The following PARG variants were observed in gnomAD, a reference collection of about 807,000 sequenced individuals.
PARG encodes the protein mitochondrial poly(ADP-ribose) glycohydrolase.
In PARG, 35 loss-of-function variants were observed where a neutral mutation model predicts 113.0. The ratio of observed to expected loss-of-function variants is 0.31; its 90% CI spans 0.24 to 0.41. The LOEUF is 0.41. Ranked by LOEUF, PARG falls within the 10% of genes least tolerant of loss-of-function variation. The pLI is 1.00. For missense variants in PARG, 797 were observed against 1,169.4 expected, an observed-to-expected ratio of 0.68 and a Z score of 4.64; for synonymous variants, 330 against 409.9, an observed-to-expected ratio of 0.81 and a Z score of 2.36.
At chr10:49,922,264 T>C (rs1304049561) in intron 6 of PARG, 72 bp downstream of exon 6, 103 of 1,508,102 alleles carry the variant, frequency 6.8e-5, no homozygotes, top group Admixed American at 1.2e-4. Flanking sequence ...CCTGAGTCTA[T>C]TAAGACCAAA....
chr10:49,873,324 A>G (rs1281919414), intron 9 of PARG, among the ~76,000 whole-genome samples: 1 of 66,714 alleles, frequency 1.5e-5, no homozygotes, highest in African/African-American at 6.0e-5. Flanking sequence ...ATAAAAGGAA[A>G]TAACACAATA....
At chr10:49,869,415 CACTTG>C (rs1171844320) in intron 10 of PARG, 56 bp downstream of exon 10, 129 of 684,850 alleles carry the variant, frequency 1.9e-4, no homozygotes, top group South Asian at 1.8e-3. Context: ...CCTCACATGT[CACTTG>C]ACTTGAACTG....
At chr10:49,862,035 CAT>C (rs1846277748) in intron 11 of PARG, among the ~76,000 whole-genome samples, 1 of 151,658 alleles carries the variant, frequency 6.6e-6, no homozygotes, top group African/African-American at 2.4e-5. Context: ...GGCAATAAAT[CAT>C]ATATGATTCT....
intron 7 of PARG, among the ~76,000 whole-genome samples, chr10:49,889,233 A>G (rs1847651154): frequency 2.0e-5 from 3 of 151,674 alleles, no homozygotes; most frequent in Admixed American, 2.0e-4. Flanking sequence ...GATTTTCCTG[A>G]TTCTTTTCTG....
chr10:49,891,625 T>A (rs1311910778), intron 7 of PARG, among the ~76,000 whole-genome samples: 61 of 69,226 alleles, frequency 8.8e-4, no homozygotes, highest in African/African-American at 2.0e-3. Flanking sequence ...ATATATATAT[T>A]TTTTTTTTTT....
At chr10:49,841,630 A>G (rs1845242636) in intron 15 of PARG, among the ~76,000 whole-genome samples, 1 of 152,218 alleles carries the variant, frequency 6.6e-6, no homozygotes, top group Admixed American at 6.5e-5. Context: ...AGGTCTGAGA[A>G]AAAAATTTTC....
intron 9 of PARG, among the ~76,000 whole-genome samples, chr10:49,874,714 C>T (rs1443707947): frequency 2.7e-5 from 4 of 149,468 alleles, no homozygotes; most frequent in Admixed American, 6.7e-5. Context: ...ATTAGCCGGG[C>T]GTGGTGGTGG....
chr10:49,831,628 T>G (rs957979385), intron 16 of PARG, among the ~76,000 whole-genome samples: 5 of 152,148 alleles, frequency 3.3e-5, no homozygotes, highest in African/African-American at 1.2e-4. Flanking sequence ...CAATGAAATC[T>G]TTGGTCACCA....
chr10:49,906,588 C>T (rs560845170), intron 7 of PARG, among the ~76,000 whole-genome samples: 6 of 152,130 alleles, frequency 3.9e-5, no homozygotes, highest in African/African-American at 1.4e-4. Flanking sequence ...ACTTAAACTC[C>T]CTAAACCTTG....
intron 4 of PARG, among the ~76,000 whole-genome samples, chr10:49,926,159 A>C (rs1411473562): frequency 5.3e-5 from 8 of 152,194 alleles, no homozygotes; most frequent in Admixed American, 2.0e-4. Flanking sequence ...GCTGGTATTG[A>C]TAATGCTTGG....
intron 7 of PARG, among the ~76,000 whole-genome samples, chr10:49,907,759 A>G (rs1227148827): frequency 6.6e-6 from 1 of 152,202 alleles, no homozygotes; most frequent in Non-Finnish European, 1.5e-5. Context: ...TGTGTTAATA[A>G]AATACAAACA....
rs1376254761 is a variant in PARG at position 49,920,462 on chromosome 10, AAATATATATATAT to A, written c.1662+1861_1662+1873del. 1.4e-3 allele frequency among the ~76,000 whole-genome samples: 73 copies of A among 52,026 alleles called. 1 individual carries two copies. The highest frequency in any genetic ancestry group is 5.5e-3 in the African/African-American group (69 of 12,450). The allele number at this position is 52,026 out of a possible 152,430, so 34.1% of individuals were successfully genotyped here. On this transcript the variant is annotated intron_variant, in intron 6 of 17. Coordinates refer to ENST00000616448, the MANE Select transcript of PARG (RefSeq NM_003631.5). ...ACCCAGCCTCAAATTAAAAAAAAAA[AAATATATATATAT>A]ATATATATATATATATATATATACA...
At position 49,818,991 on chromosome 10, in the gene PARG, A is replaced by AC. The variant is rs1843929451; in HGVS notation, c.*348dup. On this transcript the variant is annotated 3_prime_UTR_variant, in exon 18 of 18. Coordinates refer to ENST00000616448, the MANE Select transcript of PARG (RefSeq NM_003631.5). ...CTGGCATCTGCGGGCTGCAGAAGCA[A>AC]CTGGTATAATATATGGGCAGGAAGA... The AC allele has an allele frequency of 6.1e-6, 1 of 164,888 alleles. No homozygotes were observed. The highest frequency in any genetic ancestry group is 1.3e-5 in the Non-Finnish European group (1 of 76,454). 10.2% of individuals were successfully genotyped at this position (164,888 alleles called of 1,614,324 possible). A position where few individuals can be genotyped will look rare whatever the true frequency, so the allele number is the denominator to read the frequency against.
intron 4 of PARG, among the ~76,000 whole-genome samples, chr10:49,925,933 G>C (rs1415833260): frequency 1.3e-5 from 2 of 152,230 alleles, no homozygotes; most frequent in African/African-American, 4.8e-5. Flanking sequence ...GAACAAAGGG[G>C]CACAAGAGCC....
chr10:49,899,924 G>A (rs1279871304), intron 7 of PARG, among the ~76,000 whole-genome samples: 2 of 152,110 alleles, frequency 1.3e-5, no homozygotes, highest in Non-Finnish European at 2.9e-5. Flanking sequence ...TTGCCCTAAC[G>A]ATAGATAAAT....
intron 13 of PARG, among the ~76,000 whole-genome samples, chr10:49,850,707 A>C (rs1214526281): frequency 2.0e-5 from 3 of 152,190 alleles, no homozygotes; most frequent in Non-Finnish European, 4.4e-5. Context: ...GTGGCTGAAA[A>C]ATATAAAATA....
intron 7 of PARG, among the ~76,000 whole-genome samples, chr10:49,894,204 A>AT (rs58141680): frequency 0.19 from 24,791 of 133,560 alleles, 2,852 homozygotes; most frequent in Non-Finnish European, 0.27. Flanking sequence ...CAGCTAATTA[A>AT]TTTTTTTTTT....
chr10:49,920,587 C>CGT (rs1564658846), intron 6 of PARG, among the ~76,000 whole-genome samples: 3 of 136,476 alleles, frequency 2.2e-5, no homozygotes, highest in African/African-American at 5.6e-5. Flanking sequence ...TATATATACA[C>CGT]ATATATACAT....
At chr10:49,876,649 G>A (rs1554838399) in intron 9 of PARG, among the ~76,000 whole-genome samples, 2 of 152,174 alleles carry the variant, frequency 1.3e-5, no homozygotes, top group Admixed American at 1.3e-4. Flanking sequence ...AGTACTGGAG[G>A]AGGAATAAAA....
Sources: gnomAD v4.1 joint callset for allele counts (sites outside exome capture counted in the v4.1 genomes callset) on GRCh38, gnomAD v4.1.1 for gene constraint, MANE v1.5 for transcripts, NCBI Gene and HGNC (gene_info 2026-07-23, HGNC 2026-07-21) for gene names.